The following BOD1L1 variants were observed in gnomAD, a reference collection of about 807,000 sequenced individuals.
BOD1L1 encodes biorientation of chromosomes in cell division 1 like 1, also known as biorientation of chromosomes in cell division protein 1-like 1.
BOD1L1 carries 86 observed loss-of-function variants against 240.7 expected under a neutral mutation model. The ratio of observed to expected loss-of-function variants is 0.36; its 90% CI spans 0.30 to 0.43. BOD1L1 has a LOEUF of 0.43. Among genes scored for constraint, BOD1L1 ranks in the 20% least tolerant of loss-of-function variants. BOD1L1 has a pLI of 1.00. For synonymous variants in BOD1L1, 1,268 were observed against 1,272.3 expected (o/e 1.00, Z 0.07); for missense variants, 3,554 against 3,643.5 (o/e 0.98, Z 0.63).
Position 13,577,628 on chromosome 4 carries a change from T to C in BOD1L1, c.8753A>G (p.Glu2918Gly). 1 of 1,551,902 alleles carries C rather than the reference T, an allele frequency of 6.4e-7. No homozygotes were observed. Among genetic ancestry groups the C allele is most frequent in the Non-Finnish European group, 8.8e-7 (1 of 1,141,544 alleles). Reference sequence around the variant, plus strand: ...TAGGTTAGCTGTTTCTTTATTGGATTCATCTTTAAGAAAAGGGAAATCTCT... The same window carrying C: ...TAGGTTAGCTGTTTCTTTATTGGATCCATCTTTAAGAAAAGGGAAATCTCT... ...SSKLKVMQTD[E>G]SNKETANLQE... The change falls in exon 23 of 26, where the codon GAA (glutamate) becomes GGA (glycine). Residue 2918 changes from glutamate (E) to glycine (G), a missense_variant. Around this residue, in one of 2 missense-constraint regions of BOD1L1, gnomAD observed 3,393 missense variants for 3,427.1 expected, o/e 0.99. Coordinates refer to ENST00000040738, the MANE Select transcript of BOD1L1 (RefSeq NM_148894.3).
At chr4:13,577,103 T>C (rs1291448820) in intron 24 of BOD1L1, 112 bp from the exon 25 acceptor site, 3 of 1,297,614 alleles carry the variant, frequency 2.3e-6, no homozygotes, top group Non-Finnish European at 3.1e-6. Context: ...GGCAGAGAAA[T>C]GGTTTTCCAC....
chr4:13,582,361 C>A, intron 18 of BOD1L1, 51 bp from the exon 19 acceptor site: 1 of 1,446,706 alleles, frequency 6.9e-7, no homozygotes, highest in South Asian at 1.2e-5. Context: ...GGTCAGCCTT[C>A]CCCACCTTTA....
At chr4:13,621,167 C>A (rs1047512188) in intron 1 of BOD1L1, among the ~76,000 whole-genome samples, 1 of 152,094 alleles carries the variant, frequency 6.6e-6, no homozygotes, top group African/African-American at 2.4e-5. Flanking sequence ...AGGGGCATTG[C>A]CTGGAAGGAA....
chr4:13,578,184 G>T (rs1712922713), intron 22 of BOD1L1: 1 of 152,696 alleles, frequency 6.5e-6, no homozygotes, highest in Non-Finnish European at 1.5e-5. Context: ...GGGATTACAG[G>T]TGTGAGCCAC....
At chr4:13,607,588 G>A (rs1213242922) in intron 8 of BOD1L1, among the ~76,000 whole-genome samples, 2 of 152,190 alleles carry the variant, frequency 1.3e-5, no homozygotes, top group Non-Finnish European at 2.9e-5. Flanking sequence ...GTGAGCCACC[G>A]CGCCCAGCTG....
rs773765710 is a variant in BOD1L1, at chr4:13,602,881, G to C, written c.4019C>G (p.Thr1340Arg). 6.2e-7 allele frequency: 1 copy of C among 1,613,986 alleles called. No homozygotes were observed. The highest frequency in any genetic ancestry group is 1.1e-5 in the South Asian group (1 of 91,078). Residue 1340 changes from threonine to arginine, a missense_variant, in exon 10 of 26, where the codon ACA becomes AGA. Around this residue, in one of 2 missense-constraint regions of BOD1L1, gnomAD observed 3,393 missense variants for 3,427.1 expected, o/e 0.99. Transcript: ENST00000040738. The stretch of plus-strand genomic sequence containing the variant: ...TTCACCACCTTCTTTGCTGTCACTT[G>C]TCTTAAGGACTTCTGATTCCCTAAC... ...LTVRESEVLK[T>R]SDSKEGGEGF... is the part of the protein sequence containing the mutation.
At chr4:13,596,475 A>T (rs950517052) in intron 11 of BOD1L1, among the ~76,000 whole-genome samples, 1 of 152,068 alleles carries the variant, frequency 6.6e-6, no homozygotes, top group African/African-American at 2.4e-5. Context: ...TGTAGTGTTC[A>T]TAACCCCCAT....
chr4:13,618,898 A>T (rs1716820960), intron 2 of BOD1L1, among the ~76,000 whole-genome samples: 1 of 152,206 alleles, frequency 6.6e-6, no homozygotes, highest in South Asian at 2.1e-4. Flanking sequence ...TTCATTCTCA[A>T]AGATGTACTT....
chr4:13,571,498 A>T (rs953094620), intron 25 of BOD1L1, among the ~76,000 whole-genome samples: 1 of 152,238 alleles, frequency 6.6e-6, no homozygotes, highest in Non-Finnish European at 1.5e-5. Flanking sequence ...CAGCCACTCA[A>T]TGAACACCTC....
At chr4:13,578,548 C>A (rs1366765493) in intron 22 of BOD1L1, among the ~76,000 whole-genome samples, 1 of 152,022 alleles carries the variant, frequency 6.6e-6, no homozygotes, top group Non-Finnish European at 1.5e-5. Context: ...ATAACTGGTA[C>A]TTTTGTTTTA....
rs745833495 is a variant in BOD1L1 at position 13,600,677 on chromosome 4, T to G, written c.6223A>C (p.Thr2075Pro). 5 of 1,614,000 alleles carry G rather than the reference T, an allele frequency of 3.1e-6. No individual in the cohort carries two copies. In the South Asian group the frequency reaches 5.5e-5, roughly 18 times the overall value. The change falls in exon 10 of 26, where the codon ACC becomes CCC. Residue 2075 changes from threonine (T) to proline (P), a missense_variant. Coordinates refer to ENST00000040738, the MANE Select transcript of BOD1L1 (RefSeq NM_148894.3). ...GGGGTGTAATCATTTGTGGTACTGG[T>G]GGAAATAATCAAAACTTTGCCTTGA... ...KNQGKVLIISTSTTNDYTPQV... is the reference protein window; with the variant it reads ...KNQGKVLIISPSTTNDYTPQV...
chr4:13,625,571 T>C (rs1717329107), intron 1 of BOD1L1: 2 of 152,220 alleles, frequency 1.3e-5, no homozygotes, highest in African/African-American at 4.8e-5. Flanking sequence ...GTATACATAA[T>C]GATTCATGGG....
Position 13,601,930 on chromosome 4 carries a change from G to C in BOD1L1, c.4970C>G (p.Ala1657Gly). The C allele has an allele frequency of 6.2e-7, 1 of 1,613,954 alleles. No homozygotes were observed. The highest frequency in any genetic ancestry group is 8.5e-7 in the Non-Finnish European group (1 of 1,179,896). The change falls in exon 10 of 26, where the codon GCA (alanine) becomes GGA (glycine). Residue 1657 changes from alanine (A) to glycine (G), a missense_variant. Coordinates refer to ENST00000040738, the MANE Select transcript of BOD1L1 (RefSeq NM_148894.3). The stretch of plus-strand genomic sequence containing the variant: ...ACCATCACATTTTTCTTCAGAGCCT[G>C]CACTGGTTACAGCATCATCCTTTTC... ...TEEKDDAVTS[A>G]GSEEKCDGSL...
At chr4:13,612,211 T>C (rs897496450) in intron 5 of BOD1L1, among the ~76,000 whole-genome samples, 1 of 152,216 alleles carries the variant, frequency 6.6e-6, no homozygotes, top group Non-Finnish European at 1.5e-5. Flanking sequence ...GAGAAATACC[T>C]CTATGGTGTT....
At chr4:13,575,537 T>A in intron 25 of BOD1L1, among the ~76,000 whole-genome samples, 1 of 151,978 alleles carries the variant, frequency 6.6e-6, no homozygotes, top group Non-Finnish European at 1.5e-5. Context: ...CATGCCACCA[T>A]GCCCAGCTAA....
chr4:13,614,658 G>C lies in BOD1L1; in HGVS notation c.712C>G (p.Pro238Ala), dbSNP rs769094568. Residue 238 changes from proline (P) to alanine (A), a missense_variant, in exon 4 of 26, where the codon CCA (proline) becomes GCA (alanine). Physicochemically the swap from Pro to Ala is conservative, Grantham distance 27. Coordinates refer to ENST00000040738, the MANE Select transcript of BOD1L1 (RefSeq NM_148894.3). ...KTSERASKKL[P>A]SQPTTDTSTD... ...CTAGTATCAGTGGTTGGCTGAGATGGAAGTTTTTTTGACGCTCTCTCACTG... is the reference window on the plus strand; with the variant it reads ...CTAGTATCAGTGGTTGGCTGAGATGCAAGTTTTTTTGACGCTCTCTCACTG... 3.1e-6 allele frequency: 5 copies of C among 1,613,856 alleles called. No individual in the cohort carries two copies. In the East Asian group the frequency reaches 1.1e-4, roughly 36 times the overall value.
chr4:13,608,889 T>C (rs1577364459), intron 7 of BOD1L1, among the ~76,000 whole-genome samples: 2 of 152,172 alleles, frequency 1.3e-5, no homozygotes, highest in East Asian at 3.9e-4. Flanking sequence ...ATATATTACA[T>C]AGGATTAGTG....
At position 13,597,065 on chromosome 4, in the gene BOD1L1, A is replaced by C. The variant is rs1714677965; in HGVS notation, c.8019+39T>G. The C allele has an allele frequency of 2.7e-6, 4 of 1,488,794 alleles. No individual in the cohort carries two copies. In the East Asian group the frequency reaches 9.5e-5, roughly 35 times the overall value. 92.2% of individuals were successfully genotyped at this position (1,488,794 alleles called of 1,614,324 possible). ...TGTATATGTGATGAAACAGTATTTA[A>C]TCACTTACAGTTCAGCACAGCTGAA... On this transcript the variant is annotated intron_variant, in intron 11 of 25. Transcript: ENST00000040738.
Position 13,603,745 on chromosome 4 carries a change from T to C in BOD1L1, c.3155A>G (p.His1052Arg). Reference sequence around the variant, plus strand: ...TGAACTATTACCTCTGGCCTTTTCATGACTACTGTCAACTTCTTTACCATC... The same window carrying C: ...TGAACTATTACCTCTGGCCTTTTCACGACTACTGTCAACTTCTTTACCATC... ...DKDGKEVDSS[H>R]EKARGNSSLM... The change falls in exon 10 of 26, where the codon CAT becomes CGT. Residue 1052 changes from histidine to arginine, a missense_variant. Coordinates refer to ENST00000040738, the MANE Select transcript of BOD1L1 (RefSeq NM_148894.3). 1 of 1,613,960 alleles carries C rather than the reference T, an allele frequency of 6.2e-7. No individual in the cohort carries two copies. The highest frequency in any genetic ancestry group is 1.1e-5 in the South Asian group (1 of 91,068).
Sources: gnomAD v4.1 joint callset for allele counts (sites outside exome capture counted in the v4.1 genomes callset) on GRCh38, gnomAD v4.1.1 for gene constraint, gnomAD v4.1.1 regional missense constraint, MANE v1.5 for transcripts, NCBI Gene and HGNC (gene_info 2026-07-23, HGNC 2026-07-21) for gene names.